NIM1K: variants seen among roughly 807,000 people sequenced by gnomAD.
NIM1K encodes NIM1 serine/threonine protein kinase.
In NIM1K, 35 loss-of-function variants were observed where a neutral mutation model predicts 37.1. That is an observed-to-expected ratio of 0.94 (90% CI 0.72 to 1.25). The LOEUF is 1.25. Among genes scored for constraint, NIM1K ranks in the 50% most tolerant of loss-of-function variants. The probability of loss-of-function intolerance (pLI) is 0.00; values close to 1 mark genes in which losing one functional copy is unlikely to be tolerated. For synonymous variants in NIM1K, 234 were observed against 206.6 expected, an observed-to-expected ratio of 1.13 and a Z score of -1.14; for missense variants, 564 against 548.0, an observed-to-expected ratio of 1.03 and a Z score of -0.29.
At position 43,280,778 on chromosome 5, in the gene NIM1K, A is replaced by G; in HGVS notation, c.*49A>G. 1.3e-6 allele frequency: 2 copies of G among 1,483,910 alleles called. No homozygotes were observed. Among genetic ancestry groups the G allele is most frequent in the Non-Finnish European group, 1.8e-6 (2 of 1,114,944 alleles). The allele number at this position is 1,483,910 out of a possible 1,614,324, so 91.9% of individuals were successfully genotyped here. Reference sequence around the variant, plus strand: ...AACCAAGATGATTGTTGCTGCTTCTAAATTTTTTTCAAGGACAACTTGAGT... The same window carrying G: ...AACCAAGATGATTGTTGCTGCTTCTGAATTTTTTTCAAGGACAACTTGAGT... On this transcript the variant is annotated 3_prime_UTR_variant, in exon 4 of 4. Transcript: ENST00000326035.
intron 1 of NIM1K, among the ~76,000 whole-genome samples, chr5:43,244,267 G>C (rs1289206949): frequency 1.3e-5 from 2 of 152,230 alleles, no homozygotes; most frequent in Admixed American, 6.5e-5. Context: ...TATTTACTTA[G>C]TAAACACTTT....
intron 1 of NIM1K, among the ~76,000 whole-genome samples, chr5:43,198,238 TTTCTTTC>T (rs1751962526): frequency 1.5e-5 from 2 of 137,450 alleles, no homozygotes; most frequent in Admixed American, 7.6e-5. Context: ...TCTTTCTTTC[TTTCTTTC>T]TTTTCTTTCT....
chr5:43,268,474 T>G (rs1348684752), intron 2 of NIM1K, among the ~76,000 whole-genome samples: 2 of 152,006 alleles, frequency 1.3e-5, no homozygotes, highest in Non-Finnish European at 2.9e-5. Context: ...GCTGTCCTCT[T>G]GTGCTGAGTC....
intron 2 of NIM1K, among the ~76,000 whole-genome samples, chr5:43,263,180 G>C (rs572341555): frequency 6.6e-6 from 1 of 152,302 alleles, no homozygotes; most frequent in Non-Finnish European, 1.5e-5. Context: ...GTTTCAGAAG[G>C]AATGGTACCA....
At chr5:43,232,715 GC>G in intron 1 of NIM1K, 2 of 1,383,980 alleles carry the variant, frequency 1.4e-6, no homozygotes, top group Non-Finnish European at 2.0e-6. Flanking sequence ...TGTTCCATGA[GC>G]GGGGAGGTGA....
intron 2 of NIM1K, among the ~76,000 whole-genome samples, chr5:43,261,459 G>GT (rs1317624676): frequency 2.0e-5 from 3 of 151,812 alleles, no homozygotes; most frequent in African/African-American, 7.3e-5. Context: ...GCGGTTGCTT[G>GT]TTTTTTTTCT....
At chr5:43,262,213 T>C (rs554596673) in intron 2 of NIM1K, among the ~76,000 whole-genome samples, 1 of 152,326 alleles carries the variant, frequency 6.6e-6, no homozygotes, top group Non-Finnish European at 1.5e-5. Flanking sequence ...ATGACCATTT[T>C]CACGATATTG....
At chr5:43,222,948 G>A (rs930726366) in intron 1 of NIM1K, among the ~76,000 whole-genome samples, 1 of 152,028 alleles carries the variant, frequency 6.6e-6, no homozygotes. Context: ...AGACCAGCCT[G>A]ACCAACACGG....
At chr5:43,272,352 C>A (rs1359347080) in intron 2 of NIM1K, among the ~76,000 whole-genome samples, 1 of 152,052 alleles carries the variant, frequency 6.6e-6, no homozygotes, top group Non-Finnish European at 1.5e-5. Flanking sequence ...CTGTTTTATG[C>A]TCCTAATGCT....
chr5:43,269,839 C>T (rs573611733), intron 2 of NIM1K, among the ~76,000 whole-genome samples: 21 of 152,106 alleles, frequency 1.4e-4, no homozygotes, highest in Non-Finnish European at 2.5e-4. Context: ...AGGATGGTCT[C>T]GATCTCCTGA....
chr5:43,235,505 G>A (rs1473222537), intron 1 of NIM1K, among the ~76,000 whole-genome samples: 1 of 152,126 alleles, frequency 6.6e-6, no homozygotes, highest in Non-Finnish European at 1.5e-5. Context: ...CTGCTGCATT[G>A]GTGGATTAAA....
chr5:43,213,101 T>C (rs1434692586), intron 1 of NIM1K, among the ~76,000 whole-genome samples: 1 of 152,182 alleles, frequency 6.6e-6, no homozygotes, highest in Non-Finnish European at 1.5e-5. Context: ...ATATCATTTT[T>C]TCTAAGTCCT....
At chr5:43,262,756 G>A (rs1294883829) in intron 2 of NIM1K, among the ~76,000 whole-genome samples, 2 of 152,178 alleles carry the variant, frequency 1.3e-5, no homozygotes, top group African/African-American at 2.4e-5. Flanking sequence ...ATCATAAATA[G>A]CTCTTACTAT....
At chr5:43,258,343 T>C (rs535539698) in intron 2 of NIM1K, among the ~76,000 whole-genome samples, 39 of 152,206 alleles carry the variant, frequency 2.6e-4, no homozygotes, top group Admixed American at 4.6e-4. Context: ...AATTTATTTA[T>C]CCATTCAACT....
At chr5:43,262,109 T>C (rs1753040544) in intron 2 of NIM1K, among the ~76,000 whole-genome samples, 1 of 152,204 alleles carries the variant, frequency 6.6e-6, no homozygotes, top group Admixed American at 6.5e-5. Context: ...TTTGGTTCCA[T>C]ATGAACTTTA....
At chr5:43,236,342 G>A (rs1752621428) in intron 1 of NIM1K, among the ~76,000 whole-genome samples, 1 of 151,912 alleles carries the variant, frequency 6.6e-6, no homozygotes, top group African/African-American at 2.4e-5. Flanking sequence ...GCCAGACTTG[G>A]TGGGTGGATT....
At chr5:43,249,765 G>T (rs1044243896) in intron 2 of NIM1K, among the ~76,000 whole-genome samples, 1 of 152,088 alleles carries the variant, frequency 6.6e-6, no homozygotes, top group African/African-American at 2.4e-5. Flanking sequence ...AGTCACTGAA[G>T]GAGACTGTGG....
chr5:43,246,481 A>G (rs1223025325), intron 2 of NIM1K, among the ~76,000 whole-genome samples: 1 of 152,056 alleles, frequency 6.6e-6, no homozygotes, highest in African/African-American at 2.4e-5. Context: ...CTCATCTCCC[A>G]AGCCCATATT....
At chr5:43,230,794 C>G (rs1356827329) in intron 1 of NIM1K, among the ~76,000 whole-genome samples, 1 of 152,244 alleles carries the variant, frequency 6.6e-6, no homozygotes. Context: ...CTCCCCAATT[C>G]TGTACCTCAC....
Sources: gnomAD v4.1 joint callset for allele counts (sites outside exome capture counted in the v4.1 genomes callset) on GRCh38, gnomAD v4.1.1 for gene constraint, MANE v1.5 for transcripts, NCBI Gene and HGNC (gene_info 2026-07-23, HGNC 2026-07-21) for gene names.